TEF: variants seen among roughly 807,000 people sequenced by gnomAD.
The protein encoded by TEF is thyrotroph embryonic factor.
Under a neutral mutation model 20.8 loss-of-function variants are expected in TEF, and 3 were observed. The ratio of observed to expected loss-of-function variants is 0.14; its 90% CI spans 0.07 to 0.37. TEF has a LOEUF of 0.37. Ranked by LOEUF, TEF falls within the 10% of genes least tolerant of loss-of-function variation. The pLI is 1.00. For synonymous variants in TEF, 180 were observed against 171.1 expected (o/e 1.05, Z -0.41); for missense variants, 296 against 397.9 (o/e 0.74, Z 2.18).
rs752231979 is a variant in TEF, at chr22:41,394,279, A to G, written c.659A>G (p.Lys220Arg). The G allele has an allele frequency of 3.7e-6, 6 of 1,614,100 alleles. No homozygotes were observed. The highest frequency in any genetic ancestry group is 5.1e-6 in the Non-Finnish European group (6 of 1,180,028). ...GACCTGAAGCCCCAGCCTATGATCAAAAAGGCCAAGAAGGTCTTTGTCCCC... is the reference window on the plus strand; with the variant it reads ...GACCTGAAGCCCCAGCCTATGATCAGAAAGGCCAAGAAGGTCTTTGTCCCC... ...EEDLKPQPMI[K>R]KAKKVFVPDE... is the part of the protein sequence containing the mutation. Residue 220 changes from lysine to arginine, a missense_variant, in exon 3 of 4, where the codon AAA becomes AGA. Coordinates refer to ENST00000266304, the MANE Select transcript of TEF (RefSeq NM_003216.4).
rs5751089 is a variant in TEF at position 41,388,886 on chromosome 22, A to T, written c.475+1218A>T. ...TTGTGGAAATTTTTTCAAACAAAAT[A>T]CAAAAGTAAGAGACGACTATAATGA... On this transcript the variant is annotated intron_variant, in intron 2 of 3. Coordinates refer to ENST00000266304, the MANE Select transcript of TEF (RefSeq NM_003216.4). Among the ~76,000 whole-genome samples the T allele has an allele frequency of 0.033, 5,015 of 152,232 alleles. 622 individuals carry two copies. In the East Asian group the frequency reaches 0.45, roughly 14 times the overall value.
At position 41,396,221 on chromosome 22, in the gene TEF, T is replaced by G; in HGVS notation, c.*261T>G. 1 of 445,656 alleles carries G rather than the reference T, an allele frequency of 2.2e-6. No individual in the cohort carries two copies. The highest frequency in any genetic ancestry group is 6.3e-4 in the Middle Eastern group (1 of 1,580). 27.6% of individuals were successfully genotyped at this position (445,656 alleles called of 1,614,324 possible). On this transcript the variant is annotated 3_prime_UTR_variant, in exon 4 of 4. Transcript: ENST00000266304. ...GTGACTCAGCCTTAGTTTCTATTCT[T>G]GGATGTCCCAGTTGAATCAGAAGGG...
intron 1 of TEF, among the ~76,000 whole-genome samples, chr22:41,384,355 AT>A: frequency 6.6e-6 from 1 of 152,020 alleles, no homozygotes; most frequent in East Asian, 1.9e-4. Context: ...GGATATCCAC[AT>A]GTGTAACTTT....
intron 1 of TEF, among the ~76,000 whole-genome samples, chr22:41,383,325 A>C (rs1677932879): frequency 1.3e-5 from 2 of 152,046 alleles, no homozygotes; most frequent in African/African-American, 2.4e-5. Flanking sequence ...ATGTGCACAA[A>C]CCCTTTTGTT....
chr22:41,375,225 T>G (rs1191743361), intron 1 of TEF, among the ~76,000 whole-genome samples: 1 of 151,888 alleles, frequency 6.6e-6, no homozygotes, highest in East Asian at 1.9e-4. Flanking sequence ...CTTTTGAGAG[T>G]ACTGACGAGG....
At chr22:41,382,300 A>T in intron 1 of TEF, 99 bp downstream of exon 1, 5 of 943,896 alleles carry the variant, frequency 5.3e-6, no homozygotes, top group East Asian at 4.7e-5. Flanking sequence ...GTCAGGGAGC[A>T]GTGGTCCAGC....
At chr22:41,383,048 G>A (rs976550010) in intron 1 of TEF, 1 of 471,012 alleles carries the variant, frequency 2.1e-6, no homozygotes, top group Non-Finnish European at 4.4e-6. Context: ...AGGGCCGCCT[G>A]TGGTGGGGTT....
intron 1 of TEF, among the ~76,000 whole-genome samples, chr22:41,386,500 GGAGGC>G: frequency 1.3e-5 from 2 of 151,948 alleles, no homozygotes; most frequent in Non-Finnish European, 1.5e-5. Flanking sequence ...CAGTACTTTG[GGAGGC>G]TGAGGCGGGT....
chr22:41,396,383 G>T lies in TEF; in HGVS notation c.*423G>T. On this transcript the variant is annotated 3_prime_UTR_variant, in exon 4 of 4. Coordinates refer to ENST00000266304, the MANE Select transcript of TEF (RefSeq NM_003216.4). ...TCACCCTATGTCTTCTCAGGTAGCA[G>T]GGCGCGTTTCCACTTAAGGTGTGTC... The T allele has an allele frequency of 5.6e-6, 1 of 177,064 alleles. No individual in the cohort carries two copies. Among genetic ancestry groups the T allele is most frequent in the South Asian group, 1.5e-4 (1 of 6,780 alleles). The allele number at this position is 177,064 out of a possible 1,614,324, so 11.0% of individuals were successfully genotyped here.
Position 41,396,666 on chromosome 22 carries a change from G to A in TEF, c.*706G>A. On this transcript the variant is annotated 3_prime_UTR_variant, in exon 4 of 4. Transcript: ENST00000266304. Reference sequence around the variant, plus strand: ...GTCTCTGCATTTCATTGGCTGTGGAGGAGAGACTCCTAGGATGGCTGCTGT... The same window carrying A: ...GTCTCTGCATTTCATTGGCTGTGGAAGAGAGACTCCTAGGATGGCTGCTGT... 3.0e-6 allele frequency: 1 copy of A among 337,234 alleles called. No homozygotes were observed. 20.9% of individuals were successfully genotyped at this position (337,234 alleles called of 1,614,324 possible).
Position 41,397,648 on chromosome 22 carries a change from G to A in TEF, c.*1688G>A, listed in dbSNP as rs1156286286. On this transcript the variant is annotated 3_prime_UTR_variant, in exon 4 of 4. Transcript: ENST00000266304. ...CTTGACAAGGGGCCCTGAGGCCAAGGGAGGTCACTCCTCCCTCCAGGCCCC... is the reference window on the plus strand; with the variant it reads ...CTTGACAAGGGGCCCTGAGGCCAAGAGAGGTCACTCCTCCCTCCAGGCCCC... 1 of 152,490 alleles carries A rather than the reference G, an allele frequency of 6.6e-6. No individual in the cohort carries two copies. Among genetic ancestry groups the A allele is most frequent in the African/African-American group, 2.4e-5 (1 of 41,452 alleles). The allele number at this position is 152,490 out of a possible 1,614,324, so 9.4% of individuals were successfully genotyped here. A position where few individuals can be genotyped will look rare whatever the true frequency, so the allele number is the denominator to read the frequency against.
At chr22:41,376,830 C>T (rs546181626) in intron 1 of TEF, among the ~76,000 whole-genome samples, 50 of 152,222 alleles carry the variant, frequency 3.3e-4, no homozygotes, top group Non-Finnish European at 6.5e-4. Flanking sequence ...TCCTGTGAGG[C>T]GGGCGTATCC....
chr22:41,381,808 C>A, upstream of TEF: 1 of 1,076,482 alleles, frequency 9.3e-7, no homozygotes, highest in Admixed American at 4.4e-5. Flanking sequence ...TGCGCCTGCC[C>A]CTCTCGCAGG....
At chr22:41,370,056 C>T in intron 1 of TEF, 1 of 984,938 alleles carries the variant, frequency 1.0e-6, no homozygotes, top group Non-Finnish European at 1.2e-6. Context: ...TCCAGGTGTG[C>T]TCTCCCCATG....
chr22:41,386,014 A>G (rs28378228), intron 1 of TEF, among the ~76,000 whole-genome samples: 1 of 148,162 alleles, frequency 6.7e-6, no homozygotes, highest in Admixed American at 7.1e-5. Flanking sequence ...TTTAGGAGAG[A>G]CAGGGTTTCA....
chr22:41,389,018 T>TAA (rs2037133477), intron 2 of TEF, among the ~76,000 whole-genome samples: 1 of 152,120 alleles, frequency 6.6e-6, no homozygotes, highest in Non-Finnish European at 1.5e-5. Flanking sequence ...AAGGGTTCTT[T>TAA]TAAAAAAAAC....
chr22:41,380,702 A>C (rs939228674), upstream of TEF, among the ~76,000 whole-genome samples: 1 of 152,132 alleles, frequency 6.6e-6, no homozygotes, highest in African/African-American at 2.4e-5. Context: ...AAGAGGTACA[A>C]AGTTCTGAGC....
At chr22:41,393,721 C>T (rs959165564) in intron 2 of TEF, among the ~76,000 whole-genome samples, 1 of 147,066 alleles carries the variant, frequency 6.8e-6, no homozygotes, top group Non-Finnish European at 1.5e-5. Context: ...TGCAATGAGC[C>T]GAGATTGCGC....
chr22:41,381,644 G>A (rs1044795268), upstream of TEF, among the ~76,000 whole-genome samples: 17 of 152,124 alleles, frequency 1.1e-4, no homozygotes, highest in African/African-American at 4.1e-4. Flanking sequence ...TAGGAGGGAA[G>A]GGACCGCGCC....
Sources: gnomAD v4.1 joint callset for allele counts (sites outside exome capture counted in the v4.1 genomes callset) on GRCh38, gnomAD v4.1.1 for gene constraint, MANE v1.5 for transcripts, NCBI Gene and HGNC (gene_info 2026-07-23, HGNC 2026-07-21) for gene names.